Variants in ZNF407 observed in about 807,000 individuals in gnomAD.
ZNF407 encodes the protein zinc finger protein 407.
A neutral mutation model predicts 131.2 loss-of-function variants in ZNF407; 17 were observed. The ratio of observed to expected loss-of-function variants is 0.13; its 90% CI spans 0.09 to 0.19. The LOEUF (loss-of-function observed/expected upper bound fraction) is 0.19. Ranked by LOEUF, ZNF407 falls within the 10% of genes least tolerant of loss-of-function variation. ZNF407 has a pLI of 1.00. For missense variants in ZNF407, 2,681 were observed against 2,830.6 expected (o/e 0.95, Z 1.20); for synonymous variants, 1,156 against 1,062.0 (o/e 1.09, Z -1.72).
chr18:74,602,448 G>A (rs954723965), intron 1 of ZNF407, among the ~76,000 whole-genome samples: 14 of 152,148 alleles, frequency 9.2e-5, no homozygotes, highest in South Asian at 2.1e-4. Flanking sequence ...AAAACTGGAC[G>A]TTTTCAAAGT....
chr18:75,002,085 G>A (rs1972851543), intron 8 of ZNF407, among the ~76,000 whole-genome samples: 1 of 152,232 alleles, frequency 6.6e-6, no homozygotes, highest in Non-Finnish European at 1.5e-5. Context: ...GTGGGCCTAT[G>A]AGGGCTGGCC....
At chr18:74,699,938 C>A (rs578182611) in intron 3 of ZNF407, among the ~76,000 whole-genome samples, 1 of 152,052 alleles carries the variant, frequency 6.6e-6, no homozygotes, top group African/African-American at 2.4e-5. Context: ...ATTAAAGTTG[C>A]CCCTAAAATG....
At chr18:74,617,707 T>C (rs1189580118) in intron 1 of ZNF407, among the ~76,000 whole-genome samples, 2 of 152,192 alleles carry the variant, frequency 1.3e-5, no homozygotes, top group Admixed American at 6.5e-5. Context: ...CTGCTCTTCA[T>C]TGAGGATGTT....
intron 4 of ZNF407, among the ~76,000 whole-genome samples, chr18:74,789,146 G>A (rs907570994): frequency 1.2e-4 from 18 of 152,152 alleles, no homozygotes; most frequent in Admixed American, 5.9e-4. Context: ...GATAATTTTC[G>A]TAGGTATAAG....
intron 8 of ZNF407, among the ~76,000 whole-genome samples, chr18:75,029,642 T>A (rs1325375936): frequency 6.6e-6 from 1 of 152,236 alleles, no homozygotes; most frequent in African/African-American, 2.4e-5. Flanking sequence ...TGTGCGTGCG[T>A]GTGCATGCGC....
At chr18:74,721,445 C>G (rs981352742) in intron 3 of ZNF407, among the ~76,000 whole-genome samples, 1 of 152,142 alleles carries the variant, frequency 6.6e-6, no homozygotes, top group Admixed American at 6.5e-5. Flanking sequence ...GGAAGGAAGT[C>G]ACATTGTCCC....
At chr18:74,971,930 A>G (rs1972477344) in intron 8 of ZNF407, among the ~76,000 whole-genome samples, 1 of 152,188 alleles carries the variant, frequency 6.6e-6, no homozygotes. Flanking sequence ...TCTCATAGTC[A>G]TGGTAGAGGG....
At chr18:74,738,422 GAAAAAAAAAA>G (rs10602546) in intron 3 of ZNF407, among the ~76,000 whole-genome samples, 1 of 65,724 alleles carries the variant, frequency 1.5e-5, no homozygotes, top group Non-Finnish European at 2.6e-5. Context: ...TCTGTCTCAA[GAAAAAAAAAA>G]AAAAAAAAAA....
chr18:74,839,478 C>G (rs1970602496), intron 4 of ZNF407, among the ~76,000 whole-genome samples: 2 of 152,122 alleles, frequency 1.3e-5, no homozygotes, highest in African/African-American at 4.8e-5. Context: ...TAGCTGTGCT[C>G]TTAGGCCTTT....
intron 3 of ZNF407, among the ~76,000 whole-genome samples, chr18:74,701,087 G>A (rs540177554): frequency 6.6e-6 from 1 of 152,254 alleles, no homozygotes; most frequent in African/African-American, 2.4e-5. Flanking sequence ...ATGCACACTT[G>A]TCCTCACATG....
chr18:74,871,616 T>G (rs888922308), intron 4 of ZNF407, among the ~76,000 whole-genome samples: 2 of 152,160 alleles, frequency 1.3e-5, no homozygotes, highest in Non-Finnish European at 1.5e-5. Context: ...AATACTTTGA[T>G]AAAATTTAGC....
At chr18:74,763,848 T>C (rs1427762905) in intron 3 of ZNF407, among the ~76,000 whole-genome samples, 2 of 150,872 alleles carry the variant, frequency 1.3e-5, no homozygotes, top group Non-Finnish European at 1.5e-5. Flanking sequence ...TAGCTGGGAC[T>C]ACAGGCGCCC....
In ZNF407 at chr18:75,060,651, A is replaced by G. The variant is rs551346365; in HGVS notation, c.5429-2499A>G. On this transcript the variant is annotated intron_variant, in intron 8 of 8. Coordinates refer to ENST00000299687, the MANE Select transcript of ZNF407 (RefSeq NM_017757.3). ...CTCCCGAGTAGCTGGGATTACAGGC[A>G]CCCGCCACCGCGCCCGGCTAATTTT... is the stretch of plus-strand genomic sequence containing the variant. Among the ~76,000 whole-genome samples, 1,011 of 150,702 alleles carry G rather than the reference A, an allele frequency of 6.7e-3. 7 individuals carry two copies. The highest frequency in any genetic ancestry group is 0.019 in the African/African-American group (792 of 41,118).
At chr18:75,003,397 C>T (rs1249027672) in intron 8 of ZNF407, among the ~76,000 whole-genome samples, 1 of 152,156 alleles carries the variant, frequency 6.6e-6, no homozygotes, top group South Asian at 2.1e-4. Context: ...TCGTGTACAT[C>T]CCTTGGACAA....
intron 4 of ZNF407, among the ~76,000 whole-genome samples, chr18:74,782,844 C>G (rs1190968774): frequency 1.3e-5 from 2 of 152,144 alleles, no homozygotes; most frequent in African/African-American, 4.8e-5. Context: ...TGGTCTCAAT[C>G]TCCTAATCTC....
chr18:74,779,120 T>A (rs1969544164), intron 3 of ZNF407, among the ~76,000 whole-genome samples: 1 of 91,180 alleles, frequency 1.1e-5, no homozygotes, highest in Non-Finnish European at 2.3e-5. Flanking sequence ...TTTTTTTTTT[T>A]TTTTTTTTTT....
chr18:74,653,977 T>A (rs1345690492), intron 3 of ZNF407, among the ~76,000 whole-genome samples: 2 of 151,838 alleles, frequency 1.3e-5, no homozygotes, highest in Non-Finnish European at 3.0e-5. Flanking sequence ...TTTTAATGAG[T>A]GCTCAATTAC....
intron 6 of ZNF407, among the ~76,000 whole-genome samples, 166 bp from the exon 7 acceptor site, chr18:74,889,752 C>A (rs183132471): frequency 1.3e-5 from 2 of 152,274 alleles, no homozygotes; most frequent in East Asian, 3.9e-4. Context: ...CTAATTTTCT[C>A]ACTCTGAGAA....
intron 8 of ZNF407, among the ~76,000 whole-genome samples, chr18:74,991,331 T>C (rs1012272799): frequency 2.0e-5 from 3 of 152,226 alleles, no homozygotes; most frequent in African/African-American, 7.2e-5. Context: ...ATGAAACTGC[T>C]GTGGTTTTCA....
Sources: gnomAD v4.1 joint callset for allele counts (sites outside exome capture counted in the v4.1 genomes callset) on GRCh38, gnomAD v4.1.1 for gene constraint, MANE v1.5 for transcripts, NCBI Gene and HGNC (gene_info 2026-07-23, HGNC 2026-07-21) for gene names.